Variants in NEDD9 observed in about 807,000 individuals in gnomAD.
NEDD9 encodes the protein enhancer of filamentation 1.
NEDD9 carries 26 observed loss-of-function variants against 76.6 expected under a neutral mutation model. The ratio of observed to expected loss-of-function variants is 0.34; its 90% CI spans 0.25 to 0.47. The LOEUF is 0.47. Among genes scored for constraint, NEDD9 ranks in the 20% least tolerant of loss-of-function variants. The pLI is 1.00. For missense variants in NEDD9, 937 were observed against 1,058.5 expected (o/e 0.89, Z 1.59); for synonymous variants, 392 against 414.2 (o/e 0.95, Z 0.65).
At chr6:11,254,820 C>A (rs1306478348) in intron 3 of NEDD9, among the ~76,000 whole-genome samples, 1 of 152,150 alleles carries the variant, frequency 6.6e-6, no homozygotes, top group African/African-American at 2.4e-5. Context: ...TCTTAGAAGT[C>A]GGAGTGGGTG....
At chr6:11,262,090 A>G (rs2142741) in intron 3 of NEDD9, among the ~76,000 whole-genome samples, 39,648 of 152,050 alleles carry the variant, frequency 0.26, 5,800 homozygotes, top group African/African-American at 0.42. Flanking sequence ...TAGAAAATTG[A>G]TGCCAAACAT....
intron 1 of NEDD9, among the ~76,000 whole-genome samples, chr6:11,218,220 TTA>T (rs1282688171): frequency 6.6e-6 from 1 of 152,218 alleles, no homozygotes; most frequent in African/African-American, 2.4e-5. Flanking sequence ...CTTTGCTTGG[TTA>T]ACAGCATGCA....
chr6:11,225,790 C>T (rs982395183), intron 1 of NEDD9, among the ~76,000 whole-genome samples: 7 of 146,176 alleles, frequency 4.8e-5, no homozygotes, highest in Non-Finnish European at 7.5e-5. Context: ...TGTGAGCCAC[C>T]GCGCCCGGCC....
chr6:11,348,345 G>C (rs1025958705), intron 1 of NEDD9, among the ~76,000 whole-genome samples: 1 of 152,094 alleles, frequency 6.6e-6, no homozygotes, highest in African/African-American at 2.4e-5. Context: ...CATTAAAATG[G>C]ACATACTGCC....
chr6:11,353,717 GC>G (rs1426691651), intron 1 of NEDD9, among the ~76,000 whole-genome samples: 1 of 152,188 alleles, frequency 6.6e-6, no homozygotes, highest in South Asian at 2.1e-4. Flanking sequence ...CATTCCTAAA[GC>G]CCACCTTTAA....
chr6:11,290,580 A>G (rs561863295), intron 3 of NEDD9, among the ~76,000 whole-genome samples: 34 of 152,328 alleles, frequency 2.2e-4, no homozygotes, highest in African/African-American at 7.5e-4. Context: ...GTTTTGCAGC[A>G]GAGTGGTCGT....
intron 3 of NEDD9, among the ~76,000 whole-genome samples, chr6:11,296,938 A>G (rs545897088): frequency 2.0e-3 from 301 of 152,224 alleles, no homozygotes; most frequent in African/African-American, 6.6e-3. Flanking sequence ...CATCTTGCCC[A>G]GGCTAGTCTT....
intron 1 of NEDD9, among the ~76,000 whole-genome samples, chr6:11,344,066 T>C (rs538551447): frequency 6.6e-6 from 1 of 152,350 alleles, no homozygotes; most frequent in African/African-American, 2.4e-5. Context: ...GGCTGCTATC[T>C]ATCACCAAGC....
At chr6:11,308,433 A>C (rs143416228) in intron 2 of NEDD9, among the ~76,000 whole-genome samples, 6 of 138,202 alleles carry the variant, frequency 4.3e-5, no homozygotes, top group African/African-American at 1.1e-4. Flanking sequence ...GCAGTGGCGC[A>C]ATCTCGGCTC....
upstream of NEDD9, chr6:11,233,195 T>G (rs567699111): frequency 5.8e-6 from 3 of 517,508 alleles, no homozygotes; most frequent in Non-Finnish European, 1.2e-5. Flanking sequence ...CTACTTTTTG[T>G]GTGTGTGTGA....
At chr6:11,319,483 C>G (rs901890810) in intron 2 of NEDD9, among the ~76,000 whole-genome samples, 1 of 150,772 alleles carries the variant, frequency 6.6e-6, no homozygotes, top group Non-Finnish European at 1.5e-5. Flanking sequence ...CACTAACAAG[C>G]AAATAATCAC....
In NEDD9 at chr6:11,310,840, C is replaced by G. The variant is rs116851581; in HGVS notation, c.-152-4685G>C. Among the ~76,000 whole-genome samples, 615 of 152,286 alleles carry G rather than the reference C, an allele frequency of 4.0e-3. 6 individuals are homozygous for G. The East Asian group carries it at 0.052, about 13-fold the overall frequency. On this transcript the variant is annotated intron_variant, in intron 2 of 3. Coordinates refer to the NEDD9 transcript ENST00000397378. ...CCACCTGCTCCACAAAGAAAGCAGG[C>G]GCCCTCTGAAATGAACTTCCTCAAC...
rs769708825 is a variant in NEDD9, at chr6:11,191,167, T to A, written c.702A>T (p.Ala234=). ...AIPPSACRDE[A]GLREKDYDFP... ...AGTCATAGTCTTTTTCCCTAAGCCC[T>A]GCTTCATCCCGGCAAGCAGAGGGCG... The change falls in exon 5 of 7, where the codon GCA becomes GCT. Residue 234 remains alanine (A), a synonymous_variant. Transcript: ENST00000379446. The A allele has an allele frequency of 1.4e-5, 23 of 1,611,082 alleles. No homozygotes were observed. Among genetic ancestry groups the A allele is most frequent in the Non-Finnish European group, 1.1e-5 (13 of 1,178,616 alleles).
chr6:11,331,708 G>A (rs1185049792), intron 2 of NEDD9, among the ~76,000 whole-genome samples: 1 of 152,176 alleles, frequency 6.6e-6, no homozygotes, highest in Non-Finnish European at 1.5e-5. Context: ...GCCTGATCAT[G>A]AATCTTTGGG....
chr6:11,217,012 C>T (rs541697793), intron 1 of NEDD9, among the ~76,000 whole-genome samples: 1 of 152,142 alleles, frequency 6.6e-6, no homozygotes, highest in Non-Finnish European at 1.5e-5. Flanking sequence ...AAGGGAACTT[C>T]TGAGACAACA....
intron 2 of NEDD9, 61 bp from the exon 3 acceptor site, chr6:11,193,753 C>T (rs1758222347): frequency 8.7e-7 from 1 of 1,147,734 alleles, no homozygotes; most frequent in Non-Finnish European, 1.3e-6. Flanking sequence ...ATCTCCTTGC[C>T]TCCTAACTAA....
chr6:11,342,074 C>T (rs542613979), intron 1 of NEDD9, among the ~76,000 whole-genome samples: 1 of 151,734 alleles, frequency 6.6e-6, no homozygotes, highest in South Asian at 2.1e-4. Flanking sequence ...AAGAGCTTGC[C>T]AGCAGGTTGG....
intron 1 of NEDD9, among the ~76,000 whole-genome samples, chr6:11,375,890 T>G (rs553478124): frequency 6.6e-6 from 1 of 152,332 alleles, no homozygotes; most frequent in South Asian, 2.1e-4. Context: ...AGTGGCGTGA[T>G]CTCGGCTCAC....
At chr6:11,295,996 A>C (rs938229414) in intron 3 of NEDD9, among the ~76,000 whole-genome samples, 2 of 152,162 alleles carry the variant, frequency 1.3e-5, no homozygotes, top group East Asian at 3.9e-4. Flanking sequence ...TAGGGTCTTC[A>C]CAGAAGTAAT....
Sources: allele counts gnomAD v4.1 joint callset (sites outside exome capture counted in the v4.1 genomes callset), GRCh38; gene constraint gnomAD v4.1.1; transcripts MANE v1.5; gene names NCBI Gene and HGNC (gene_info 2026-07-23, HGNC 2026-07-21).